IFT74: variants seen among roughly 807,000 people sequenced by gnomAD.
IFT74 encodes the protein intraflagellar transport protein 74 homolog.
A neutral mutation model predicts 96.7 loss-of-function variants in IFT74; 92 were observed. That is an observed-to-expected ratio of 0.95 (90% CI 0.80 to 1.13). The LOEUF is 1.13. IFT74 is among the 50% of genes most tolerant of loss of function. The pLI, the probability that IFT74 is intolerant of heterozygous loss-of-function variation, is 0.00. For missense variants in IFT74, 811 were observed against 698.2 expected, an observed-to-expected ratio of 1.16 and a Z score of -1.82; for synonymous variants, 223 against 213.2, an observed-to-expected ratio of 1.05 and a Z score of -0.40.
At chr9:26,979,366 G>T (rs1425961224) in intron 3 of IFT74, among the ~76,000 whole-genome samples, 2 of 151,900 alleles carry the variant, frequency 1.3e-5, no homozygotes, top group Non-Finnish European at 2.9e-5. Context: ...AACATCGAGG[G>T]TAAAAACATA....
At chr9:26,977,777 C>G (rs1325548051) in intron 2 of IFT74, among the ~76,000 whole-genome samples, 7 of 152,182 alleles carry the variant, frequency 4.6e-5, no homozygotes, top group Admixed American at 4.6e-4. Context: ...GCGTGAGCCA[C>G]CACACCCAAC....
At chr9:26,957,079 A>C (rs1826141557) in intron 1 of IFT74, among the ~76,000 whole-genome samples, 1 of 152,216 alleles carries the variant, frequency 6.6e-6, no homozygotes, top group South Asian at 2.1e-4. Flanking sequence ...TGTCAGCACT[A>C]GTTTGTATCG....
chr9:27,037,826 T>C (rs182298534), intron 13 of IFT74, among the ~76,000 whole-genome samples: 1 of 152,340 alleles, frequency 6.6e-6, no homozygotes, highest in Admixed American at 6.5e-5. Flanking sequence ...AATTCAGTTT[T>C]ATTCCTAAAA....
In IFT74 at chr9:27,051,124, A is replaced by C. The variant is rs555604245; in HGVS notation, c.1333+2850A>C. On this transcript the variant is annotated intron_variant, in intron 16 of 19. Coordinates refer to ENST00000380062, the MANE Select transcript of IFT74 (RefSeq NM_025103.4). The stretch of plus-strand genomic sequence containing the variant: ...ACTTTGCCATGGGAGTTATGTAATC[A>C]TAAGTATATGTGCTGTATTACTTTT... 3.3e-5 allele frequency among the ~76,000 whole-genome samples: 5 copies of C among 152,310 alleles called. No homozygotes were observed. In the South Asian group the frequency reaches 1.0e-3, roughly 32 times the overall value.
At chr9:26,948,786 C>T (rs529669967) in intron 1 of IFT74, among the ~76,000 whole-genome samples, 4 of 152,046 alleles carry the variant, frequency 2.6e-5, no homozygotes, top group Non-Finnish European at 5.9e-5. Context: ...TATAGTACAG[C>T]ATTACATAGG....
At chr9:27,061,168 T>TGC (rs889964676) in intron 19 of IFT74, among the ~76,000 whole-genome samples, 6 of 145,496 alleles carry the variant, frequency 4.1e-5, no homozygotes, top group Non-Finnish European at 3.0e-5. Flanking sequence ...TGTGTGTGTG[T>TGC]GCGCACGCAC....
Position 26,988,659 on chromosome 9 carries a change from T to C in IFT74, c.466-10T>C, listed in dbSNP as rs775622336. ...AAATGGTGTTTGTTTGTTTGTATTT[T>C]TGTTTTTAGTTGGTAGATAAACTTA... On this transcript the variant is annotated splice_polypyrimidine_tract_variant and intron_variant, in intron 6 of 19. Coordinates refer to ENST00000380062, the MANE Select transcript of IFT74 (RefSeq NM_025103.4). 1 of 1,541,690 alleles carries C rather than the reference T, an allele frequency of 6.5e-7. No homozygotes were observed. The highest frequency in any genetic ancestry group is 1.2e-5 in the South Asian group (1 of 86,112).
At chr9:26,989,816 T>C (rs887842884) in intron 7 of IFT74, among the ~76,000 whole-genome samples, 1 of 150,328 alleles carries the variant, frequency 6.7e-6, no homozygotes, top group African/African-American at 2.5e-5. Context: ...ATATTACTAA[T>C]CAAATATTTA....
chr9:27,025,240 C>G (rs1359451268), intron 12 of IFT74, among the ~76,000 whole-genome samples: 2 of 151,758 alleles, frequency 1.3e-5, no homozygotes, highest in African/African-American at 4.8e-5. Context: ...GTCAGGAGTT[C>G]AAGAGCAGCC....
At chr9:27,008,059 T>C (rs1421792987) in intron 8 of IFT74, among the ~76,000 whole-genome samples, 1 of 152,260 alleles carries the variant, frequency 6.6e-6, no homozygotes, top group African/African-American at 2.4e-5. Context: ...AGGATTATGT[T>C]TGTAATGTTT....
chr9:26,961,847 G>A lies in IFT74; in HGVS notation c.-19-102G>A, dbSNP rs1826374654. 2.4e-5 allele frequency: 31 copies of A among 1,271,352 alleles called. No homozygotes were observed. The South Asian group carries it at 4.1e-4, about 17-fold the overall frequency. The allele number at this position is 1,271,352 out of a possible 1,614,324, so 78.8% of individuals were successfully genotyped here. On this transcript the variant is annotated intron_variant, in intron 1 of 19. Coordinates refer to ENST00000380062, the MANE Select transcript of IFT74 (RefSeq NM_025103.4). ...GTAGTGGTACACAGAACGGCAGTTT[G>A]CAAGAACAATTGTTGTGAATTAAAT...
chr9:27,044,204 G>A (rs1819594524), intron 13 of IFT74, among the ~76,000 whole-genome samples: 1 of 152,136 alleles, frequency 6.6e-6, no homozygotes, highest in Non-Finnish European at 1.5e-5. Context: ...TTTTGACCAG[G>A]TAACTCCTAC....
At chr9:26,983,660 G>T (rs1046094641) in intron 4 of IFT74, among the ~76,000 whole-genome samples, 1 of 151,522 alleles carries the variant, frequency 6.6e-6, no homozygotes, top group Non-Finnish European at 1.5e-5. Flanking sequence ...CCTGTGGCTT[G>T]TACTAGTTTG....
intron 2 of IFT74, among the ~76,000 whole-genome samples, chr9:26,971,021 T>C (rs916476276): frequency 6.6e-6 from 1 of 152,234 alleles, no homozygotes; most frequent in Admixed American, 6.5e-5. Context: ...TCTAATGACA[T>C]GTGCCATGAA....
intron 9 of IFT74, among the ~76,000 whole-genome samples, chr9:27,009,430 G>A (rs896500579): frequency 1.3e-5 from 2 of 151,952 alleles, no homozygotes; most frequent in Non-Finnish European, 2.9e-5. Flanking sequence ...ATTTCATAAA[G>A]ACATGAAAAT....
At chr9:26,995,809 A>G in intron 8 of IFT74, 1 of 1,608,964 alleles carries the variant, frequency 6.2e-7, no homozygotes, top group South Asian at 1.1e-5. Flanking sequence ...TGACAACAAC[A>G]CCAACAAGAA....
At chr9:26,981,069 G>T in intron 4 of IFT74, among the ~76,000 whole-genome samples, 1 of 152,118 alleles carries the variant, frequency 6.6e-6, no homozygotes, top group East Asian at 1.9e-4. Flanking sequence ...AGGGCAAAAG[G>T]TGCTGAGCTA....
chr9:27,014,139 C>T (rs1007716418), intron 10 of IFT74, among the ~76,000 whole-genome samples: 1 of 152,070 alleles, frequency 6.6e-6, no homozygotes, highest in Non-Finnish European at 1.5e-5. Flanking sequence ...GGCATGAACC[C>T]AGGAGGCAGA....
At chr9:26,979,784 C>T (rs573327450) in intron 3 of IFT74, among the ~76,000 whole-genome samples, 1 of 128,624 alleles carries the variant, frequency 7.8e-6, no homozygotes, top group South Asian at 2.7e-4. Flanking sequence ...GTGATCTTGG[C>T]TCACTGCAAC....
Sources: gnomAD v4.1 joint callset for allele counts (sites outside exome capture counted in the v4.1 genomes callset) on GRCh38, gnomAD v4.1.1 for gene constraint, MANE v1.5 for transcripts, NCBI Gene and HGNC (gene_info 2026-07-23, HGNC 2026-07-21) for gene names.